The following TAF2 variants were observed in gnomAD, a reference collection of about 807,000 sequenced individuals.
The protein encoded by TAF2 is transcription initiation factor TFIID subunit 2.
A neutral mutation model predicts 138.5 loss-of-function variants in TAF2; 61 were observed. The ratio of observed to expected loss-of-function variants is 0.44; its 90% CI spans 0.36 to 0.54. The LOEUF is 0.54. Among genes scored for constraint, TAF2 ranks in the 20% least tolerant of loss-of-function variants. TAF2 has a pLI of 0.00. For synonymous variants in TAF2, 475 were observed against 469.9 expected (o/e 1.01, Z -0.14); for missense variants, 1,090 against 1,427.9 (o/e 0.76, Z 3.81).
At chr8:119,795,483 ATGGAGGACATAAGACT>A (rs1180501770) in intron 9 of TAF2, 33 bp downstream of exon 9, 1 of 1,465,140 alleles carries the variant, frequency 6.8e-7, no homozygotes, top group East Asian at 2.3e-5. Flanking sequence ...GTCATTAAAA[ATGGAGGACATAAGACT>A]TGTAAGTGGA....
chr8:119,819,437 A>G lies in TAF2; in HGVS notation c.208T>C (p.Cys70Arg). The change falls in exon 3 of 26, where the codon TGT (cysteine) becomes CGT (arginine). Residue 70 changes from cysteine to arginine, a missense_variant. Cys to Arg is a radical substitution (Grantham distance 180). Around this residue, in one of 3 missense-constraint regions of TAF2, gnomAD observed 504 missense variants for 680.9 expected, o/e 0.74. Coordinates refer to ENST00000378164, the MANE Select transcript of TAF2 (RefSeq NM_003184.4). ...TTGATCCTTACTCGGTATATTCTAC[A>G]CTGTTTGCTGTTCAACTTGATTCTA... The part of the protein sequence containing the change: ...LNRIKLNSKQ[C>R]RIYRVRINDL... 1 of 1,612,150 alleles carries G rather than the reference A, an allele frequency of 6.2e-7. No individual in the cohort carries two copies. The highest frequency in any genetic ancestry group is 8.5e-7 in the Non-Finnish European group (1 of 1,179,396).
chr8:119,775,055 C>A (rs578177821), intron 18 of TAF2, among the ~76,000 whole-genome samples: 15 of 151,756 alleles, frequency 9.9e-5, no homozygotes, highest in East Asian at 5.8e-4. Flanking sequence ...CCAAGGAGGG[C>A]GGATCACAAG....
At chr8:119,776,590 G>T (rs1371644947) in intron 18 of TAF2, among the ~76,000 whole-genome samples, 1 of 151,646 alleles carries the variant, frequency 6.6e-6, no homozygotes, top group Admixed American at 6.6e-5. Flanking sequence ...TCGGGAGGCT[G>T]AGGTAGGAGA....
At position 119,803,632 on chromosome 8, in the gene TAF2, C is replaced by A. The variant is rs561003331; in HGVS notation, c.560+246G>T. Among the ~76,000 whole-genome samples the A allele has an allele frequency of 3.4e-5, 5 of 149,252 alleles. No homozygotes were observed. The East Asian group carries it at 7.8e-4, about 23-fold the overall frequency. On this transcript the variant is annotated intron_variant, in intron 5 of 25. Transcript: ENST00000378164. ...ACTTGAACCCAGGAGGCACAGGTTG[C>A]AGTGAGCAGAGATAGCACCCCAGTG...
chr8:119,830,452 C>A (rs1826374858), intron 2 of TAF2, among the ~76,000 whole-genome samples: 1 of 152,170 alleles, frequency 6.6e-6, no homozygotes, highest in Non-Finnish European at 1.5e-5. Flanking sequence ...ACCGCAGTAA[C>A]CTCTGAACTA....
At chr8:119,737,858 AG>A (rs1244934480) in intron 25 of TAF2, among the ~76,000 whole-genome samples, 2 of 148,786 alleles carry the variant, frequency 1.3e-5, no homozygotes, top group Non-Finnish European at 3.0e-5. Context: ...ATACCATGAA[AG>A]TGTTACATGC....
chr8:119,823,740 A>G (rs1825930040), intron 2 of TAF2, among the ~76,000 whole-genome samples: 1 of 152,260 alleles, frequency 6.6e-6, no homozygotes, highest in Non-Finnish European at 1.5e-5. Context: ...TAATAGGCAG[A>G]GGTTGGAACA....
intron 23 of TAF2, chr8:119,744,595 A>C: frequency 6.8e-6 from 4 of 585,116 alleles, no homozygotes; most frequent in Non-Finnish European, 1.2e-5. Context: ...GCCAATTAGA[A>C]ATTACTGGAA....
intron 9 of TAF2, among the ~76,000 whole-genome samples, chr8:119,794,132 T>C (rs761590634): frequency 5.6e-4 from 85 of 152,030 alleles, no homozygotes; most frequent in South Asian, 6.2e-4. Context: ...GCGCAGTGGC[T>C]CACATCTGTA....
At position 119,762,651 on chromosome 8, in the gene TAF2, T is replaced by C. The variant is rs752094535; in HGVS notation, c.2365-43A>G. ...TAAGTGAAGATAACAAAATTAACTCTTCTGATCAAAATTAACAAAATAAAA... is the reference window on the plus strand; with the variant it reads ...TAAGTGAAGATAACAAAATTAACTCCTCTGATCAAAATTAACAAAATAAAA... On this transcript the variant is annotated intron_variant, in intron 18 of 25. Transcript: ENST00000378164. 7.9e-6 allele frequency: 12 copies of C among 1,521,710 alleles called. No individual in the cohort carries two copies. In the South Asian group the frequency reaches 9.7e-5, roughly 12 times the overall value. The allele number at this position is 1,521,710 out of a possible 1,614,324, so 94.3% of individuals were successfully genotyped here. A position where few individuals can be genotyped will look rare whatever the true frequency, so the allele number is the denominator to read the frequency against.
In TAF2 at chr8:119,744,296, G is replaced by A. The variant is rs761706814; in HGVS notation, c.3206C>T (p.Ser1069Leu). The A allele has an allele frequency of 6.2e-7, 1 of 1,613,682 alleles. No homozygotes were observed. Among genetic ancestry groups the A allele is most frequent in the African/African-American group, 1.3e-5 (1 of 74,986 alleles). The change falls in exon 24 of 26, where the codon TCA becomes TTA. Residue 1069 changes from serine to leucine, a missense_variant. Ser to Leu is a moderately radical substitution (Grantham distance 145). Coordinates refer to ENST00000378164, the MANE Select transcript of TAF2 (RefSeq NM_003184.4). ...SHHLNMLERP[S>L]TPGLSKYRPA... ...CAGAATACTAATCTTACCTGGAGTT[G>A]ACGGCCTTTCAAGCATGTTTAAATG... is the stretch of plus-strand genomic sequence containing the variant.
intron 21 of TAF2, among the ~76,000 whole-genome samples, chr8:119,757,472 T>C (rs1166448622): frequency 6.6e-6 from 1 of 152,212 alleles, no homozygotes; most frequent in African/African-American, 2.4e-5. Context: ...TGTTCTTTAG[T>C]GCATTTTAAG....
At chr8:119,739,121 T>C (rs1039706164) in intron 25 of TAF2, among the ~76,000 whole-genome samples, 1 of 150,688 alleles carries the variant, frequency 6.6e-6, no homozygotes, top group African/African-American at 2.4e-5. Context: ...CTGCAGAAAC[T>C]CTCCGCTTCT....
At chr8:119,826,496 C>T (rs920050652) in intron 2 of TAF2, among the ~76,000 whole-genome samples, 5 of 152,070 alleles carry the variant, frequency 3.3e-5, no homozygotes, top group Non-Finnish European at 7.3e-5. Flanking sequence ...TGGACAAATA[C>T]TTTACCCTTG....
chr8:119,824,147 C>T (rs1476291368), intron 2 of TAF2, among the ~76,000 whole-genome samples: 2 of 151,908 alleles, frequency 1.3e-5, no homozygotes, highest in Non-Finnish European at 1.5e-5. Context: ...AAAGAAAATC[C>T]GGGCCGGGCA....
chr8:119,809,472 A>G (rs1296265342), intron 3 of TAF2, among the ~76,000 whole-genome samples: 1 of 152,222 alleles, frequency 6.6e-6, no homozygotes, highest in Non-Finnish European at 1.5e-5. Context: ...CTGGAGCAGT[A>G]CTTTTAATTT....
Position 119,760,674 on chromosome 8 carries a change from T to G in TAF2, c.2623A>C (p.Lys875Gln), listed in dbSNP as rs780327863. The change falls in exon 20 of 26, where the codon AAA (lysine) becomes CAA (glutamine). Residue 875 changes from lysine to glutamine, a missense_variant. By Grantham distance (53) the Lys-to-Gln change is moderately conservative. Transcript: ENST00000378164. ...GHVPSDPALF[K>Q]SYAEYGHFVD... ...AAGTGGCCATATTCAGCATAAGATT[T>G]AAAAAGAGCTGGATCACTTGGCACA... 6.2e-7 allele frequency: 1 copy of G among 1,614,002 alleles called. No individual in the cohort carries two copies. The highest frequency in any genetic ancestry group is 8.5e-7 in the Non-Finnish European group (1 of 1,179,954).
chr8:119,777,058 A>G (rs1213387732), intron 18 of TAF2, among the ~76,000 whole-genome samples: 2 of 152,188 alleles, frequency 1.3e-5, no homozygotes, highest in Non-Finnish European at 2.9e-5. Context: ...TAAACAGTAT[A>G]GTATTAACAA....
At chr8:119,819,199 T>C (rs1364435830) in intron 3 of TAF2, 147 bp downstream of exon 3, 6 of 782,368 alleles carry the variant, frequency 7.7e-6, no homozygotes, top group African/African-American at 6.9e-5. Flanking sequence ...TTGAACCAAA[T>C]GTACAGAGTG....
Sources: allele counts gnomAD v4.1 joint callset (sites outside exome capture counted in the v4.1 genomes callset), GRCh38; gene constraint gnomAD v4.1.1; regional missense constraint gnomAD v4.1.1; transcripts MANE v1.5; gene names NCBI Gene and HGNC (gene_info 2026-07-23, HGNC 2026-07-21).